PIP5K1B: variants seen among roughly 807,000 people sequenced by gnomAD.
The protein encoded by PIP5K1B is phosphatidylinositol 4-phosphate 5-kinase type-1 beta.
Under a neutral mutation model 67.0 loss-of-function variants are expected in PIP5K1B, and 42 were observed. That is an observed-to-expected ratio of 0.63 (90% confidence interval 0.49 to 0.81). PIP5K1B has a LOEUF of 0.81. Ranked by LOEUF, PIP5K1B falls within the 30% of genes least tolerant of loss-of-function variation. The pLI, the probability that PIP5K1B is intolerant of heterozygous loss-of-function variation, is 0.00. For missense variants in PIP5K1B, 459 were observed against 646.3 expected, an observed-to-expected ratio of 0.71 and a Z score of 3.14; for synonymous variants, 214 against 231.4, an observed-to-expected ratio of 0.92 and a Z score of 0.68.
intron 2 of PIP5K1B, among the ~76,000 whole-genome samples, chr9:68,758,704 T>G (rs1476135376): frequency 6.6e-6 from 1 of 151,968 alleles, no homozygotes; most frequent in Non-Finnish European, 1.5e-5. Flanking sequence ...TGGAATAAGA[T>G]TTGAATAAAT....
chr9:68,823,967 G>C (rs749750335), intron 4 of PIP5K1B: 19 of 392,276 alleles, frequency 4.8e-5, no homozygotes, highest in Non-Finnish European at 7.0e-5. Context: ...CTGGGAGGTT[G>C]TCATTCAAAG....
intron 1 of PIP5K1B, among the ~76,000 whole-genome samples, chr9:68,716,712 C>T (rs1462725202): frequency 6.6e-6 from 1 of 152,190 alleles, no homozygotes; most frequent in Non-Finnish European, 1.5e-5. Flanking sequence ...ATAGAATTAT[C>T]ATTCAACCCA....
At chr9:68,925,678 G>T (rs1434253678) in intron 12 of PIP5K1B, among the ~76,000 whole-genome samples, 1 of 151,362 alleles carries the variant, frequency 6.6e-6, no homozygotes, top group Non-Finnish European at 1.5e-5. Flanking sequence ...TCTTAAAATT[G>T]CTGTCAAATT....
At chr9:68,854,145 T>G (rs1265504418) in intron 4 of PIP5K1B, among the ~76,000 whole-genome samples, 1 of 150,670 alleles carries the variant, frequency 6.6e-6, no homozygotes, top group African/African-American at 2.4e-5. Flanking sequence ...TTTTTTTTTT[T>G]TTTGAGACAG....
intron 2 of PIP5K1B, among the ~76,000 whole-genome samples, chr9:68,801,708 T>G (rs2131984071): frequency 6.6e-6 from 1 of 152,290 alleles, no homozygotes; most frequent in African/African-American, 2.4e-5. Flanking sequence ...CTGAGTATGG[T>G]CTGAAGCCAA....
chr9:68,913,350 G>A (rs1825941433), intron 8 of PIP5K1B, among the ~76,000 whole-genome samples: 1 of 152,210 alleles, frequency 6.6e-6, no homozygotes. Flanking sequence ...TTCTGGAAAT[G>A]TGCACCTGAG....
intron 6 of PIP5K1B, among the ~76,000 whole-genome samples, chr9:68,882,976 A>G (rs1481843826): frequency 7.9e-5 from 12 of 152,216 alleles, no homozygotes; most frequent in African/African-American, 2.9e-4. Context: ...TGCCTGTGGA[A>G]TGAGTATATT....
intron 15 of PIP5K1B, among the ~76,000 whole-genome samples, chr9:69,001,609 G>A (rs1011192594): frequency 2.6e-5 from 4 of 152,144 alleles, no homozygotes; most frequent in African/African-American, 9.7e-5. Context: ...TGGCAGGAGA[G>A]AGACAGAAGT....
chr9:68,877,703 G>A (rs1486011737), intron 6 of PIP5K1B, among the ~76,000 whole-genome samples: 1 of 152,146 alleles, frequency 6.6e-6, no homozygotes, highest in Non-Finnish European at 1.5e-5. Context: ...ATTCTACTCT[G>A]TGCTGATGAA....
At chr9:68,778,197 C>T (rs575298923) in intron 2 of PIP5K1B, among the ~76,000 whole-genome samples, 21 of 152,164 alleles carry the variant, frequency 1.4e-4, no homozygotes, top group East Asian at 3.8e-4. Flanking sequence ...TTTGTTCTTC[C>T]GTGTACTGGC....
At chr9:68,968,503 CAA>C (rs35997709) in intron 14 of PIP5K1B, among the ~76,000 whole-genome samples, 23,553 of 131,942 alleles carry the variant, frequency 0.18, 1,908 homozygotes, top group East Asian at 0.41. Context: ...GACTCTGTCT[CAA>C]AAAAAAAAAA....
Position 68,923,300 on chromosome 9 carries a change from A to G in PIP5K1B, c.1117-2A>G. The stretch of plus-strand genomic sequence containing the variant: ...TGTGATCCTGGGTTTTTGTCTTTTC[A>G]GGACACTGTTTCTGTTCATAGACCA... On this transcript the variant is annotated splice_acceptor_variant, in intron 11 of 15. Coordinates refer to ENST00000265382, the MANE Select transcript of PIP5K1B (RefSeq NM_003558.4). LOFTEE classifies it high-confidence loss of function. 2 of 1,574,412 alleles carry G rather than the reference A, an allele frequency of 1.3e-6. No homozygotes were observed. The highest frequency in any genetic ancestry group is 1.7e-6 in the Non-Finnish European group (2 of 1,148,934).
At chr9:68,854,334 G>A (rs1008904643) in intron 4 of PIP5K1B, among the ~76,000 whole-genome samples, 10 of 151,632 alleles carry the variant, frequency 6.6e-5, no homozygotes, top group African/African-American at 1.7e-4. Flanking sequence ...CTTACTATGC[G>A]GCCCAGGCTG....
At chr9:68,936,110 T>G (rs1184261210) in intron 13 of PIP5K1B, 3 of 152,218 alleles carry the variant, frequency 2.0e-5, no homozygotes, top group Non-Finnish European at 4.4e-5. Context: ...TTAAAAACAG[T>G]ATCTTTTTTA....
chr9:68,781,830 A>G (rs975123), intron 2 of PIP5K1B: 156,040 of 166,916 alleles, frequency 0.93, 73,072 homozygotes, highest in Admixed American at 0.96. Flanking sequence ...TTTGCCCACT[A>G]TACATAGGCT....
chr9:68,918,816 T>C (rs1412407974), intron 9 of PIP5K1B, among the ~76,000 whole-genome samples: 1 of 152,228 alleles, frequency 6.6e-6, no homozygotes, highest in Non-Finnish European at 1.5e-5. Flanking sequence ...AATAATCAGT[T>C]AAATTATCCT....
At chr9:68,814,796 A>C (rs1022570337) in intron 2 of PIP5K1B, among the ~76,000 whole-genome samples, 5 of 152,240 alleles carry the variant, frequency 3.3e-5, no homozygotes, top group Admixed American at 6.5e-5. Context: ...CTCCAGCCTG[A>C]GCAACAGAGC....
At chr9:68,711,032 T>A (rs573195514) in intron 1 of PIP5K1B, among the ~76,000 whole-genome samples, 1 of 152,320 alleles carries the variant, frequency 6.6e-6, no homozygotes, top group African/African-American at 2.4e-5. Context: ...ATTATAATTA[T>A]CTTGAATTGG....
At chr9:68,765,397 C>G (rs1259685792) in intron 2 of PIP5K1B, among the ~76,000 whole-genome samples, 2 of 151,966 alleles carry the variant, frequency 1.3e-5, no homozygotes, top group African/African-American at 4.8e-5. Context: ...ATTCTGTGTT[C>G]TAGCAAATAT....
Sources: gnomAD v4.1 joint callset for allele counts (sites outside exome capture counted in the v4.1 genomes callset) on GRCh38, gnomAD v4.1.1 for gene constraint, MANE v1.5 for transcripts, NCBI Gene and HGNC (gene_info 2026-07-23, HGNC 2026-07-21) for gene names.